GRID2: variants seen among roughly 807,000 people sequenced by gnomAD.
GRID2 encodes glutamate receptor ionotropic, delta-2.
In GRID2, 33 loss-of-function variants were observed where a neutral mutation model predicts 114.8. The ratio of observed to expected loss-of-function variants is 0.29; its 90% CI spans 0.22 to 0.38. GRID2 has a LOEUF of 0.38. GRID2 is among the 10% of genes least tolerant of loss of function. The probability of loss-of-function intolerance (pLI) is 1.00; values close to 1 mark genes in which losing one functional copy is unlikely to be tolerated. For missense variants in GRID2, 1,184 were observed against 1,257.7 expected (o/e 0.94, Z 0.89); for synonymous variants, 505 against 449.9 (o/e 1.12, Z -1.55).
intron 5 of GRID2, among the ~76,000 whole-genome samples, chr4:93,208,030 G>A (rs541436863): frequency 9.5e-4 from 144 of 152,028 alleles, no homozygotes; most frequent in African/African-American, 3.3e-3. Flanking sequence ...TGGGAAATAA[G>A]TTGTTCCATT....
intron 8 of GRID2, among the ~76,000 whole-genome samples, chr4:93,251,643 G>T (rs1748943889): frequency 6.6e-6 from 1 of 151,726 alleles, no homozygotes; most frequent in South Asian, 2.1e-4. Context: ...TATTTTTCTT[G>T]ATCTTCTTTT....
chr4:92,916,357 C>A (rs1748790986), intron 2 of GRID2, among the ~76,000 whole-genome samples: 1 of 151,750 alleles, frequency 6.6e-6, no homozygotes, highest in African/African-American at 2.4e-5. Context: ...TTTAGAGAAA[C>A]CGACACTGTT....
At chr4:93,016,190 AAG>A (rs1351771668) in intron 2 of GRID2, among the ~76,000 whole-genome samples, 2 of 152,028 alleles carry the variant, frequency 1.3e-5, no homozygotes, top group Non-Finnish European at 2.9e-5. Flanking sequence ...ATACTAAAGA[AAG>A]AGGGAATAAT....
chr4:93,545,236 A>G (rs1733095342), intron 13 of GRID2, among the ~76,000 whole-genome samples: 1 of 152,214 alleles, frequency 6.6e-6, no homozygotes, highest in Admixed American at 6.5e-5. Flanking sequence ...AATTTGTGCT[A>G]TGGAAGAAGG....
intron 4 of GRID2, among the ~76,000 whole-genome samples, chr4:93,187,633 A>G (rs1740561114): frequency 6.6e-6 from 1 of 152,152 alleles, no homozygotes; most frequent in Non-Finnish European, 1.5e-5. Flanking sequence ...GCAGAATCTC[A>G]TCTAAATATC....
chr4:92,492,083 T>A (rs568463795), intron 1 of GRID2, among the ~76,000 whole-genome samples: 1 of 152,316 alleles, frequency 6.6e-6, no homozygotes, highest in South Asian at 2.1e-4. Context: ...TTTAGTTATA[T>A]CTATCCTAAA....
At chr4:93,365,781 C>T (rs777692380) in intron 8 of GRID2, among the ~76,000 whole-genome samples, 13 of 152,096 alleles carry the variant, frequency 8.5e-5, no homozygotes, top group East Asian at 3.9e-4. Context: ...AATATTGTTG[C>T]GGGAAGTCAG....
chr4:92,485,350 T>TATA (rs1560663111), intron 1 of GRID2, among the ~76,000 whole-genome samples: 14 of 72,648 alleles, frequency 1.9e-4, no homozygotes, highest in African/African-American at 4.5e-4. Context: ...ATATATATAG[T>TATA]GTGTGTGTGT....
intron 11 of GRID2, among the ~76,000 whole-genome samples, chr4:93,461,338 AAACCCTATG>A (rs1723720342): frequency 6.6e-6 from 1 of 152,140 alleles, no homozygotes; most frequent in Non-Finnish European, 1.5e-5. Flanking sequence ...AAAGGCTTAT[AAACCCTATG>A]AAAAAGAGAA....
At chr4:93,142,268 G>C (rs1735843916) in intron 4 of GRID2, among the ~76,000 whole-genome samples, 2 of 152,122 alleles carry the variant, frequency 1.3e-5, no homozygotes, top group Non-Finnish European at 2.9e-5. Context: ...GTTTCATTGA[G>C]AGATGTATTA....
chr4:93,527,360 C>T (rs1256749792), intron 13 of GRID2, among the ~76,000 whole-genome samples: 5 of 151,980 alleles, frequency 3.3e-5, no homozygotes, highest in African/African-American at 7.2e-5. Flanking sequence ...CCAGCTTTGC[C>T]TAGGAGATAA....
chr4:93,789,778 T>G (rs1734660852), intron 1 of GRID2, among the ~76,000 whole-genome samples: 1 of 152,192 alleles, frequency 6.6e-6, no homozygotes, highest in African/African-American at 2.4e-5. Flanking sequence ...CTAAAATTGA[T>G]AGAGTATAAA....
intron 1 of GRID2, among the ~76,000 whole-genome samples, chr4:92,307,026 A>G (rs1725445365): frequency 6.6e-6 from 1 of 152,140 alleles, no homozygotes; most frequent in African/African-American, 2.4e-5. Context: ...TAACTCCTAA[A>G]TTAAAAAAAT....
chr4:93,145,991 T>C (rs1184770407), intron 4 of GRID2, among the ~76,000 whole-genome samples: 1 of 151,992 alleles, frequency 6.6e-6, no homozygotes, highest in African/African-American at 2.4e-5. Context: ...TAGACAAAGG[T>C]ATATATATAC....
At chr4:93,144,376 C>T (rs1228726878) in intron 4 of GRID2, among the ~76,000 whole-genome samples, 1 of 152,088 alleles carries the variant, frequency 6.6e-6, no homozygotes, top group African/African-American at 2.4e-5. Context: ...GACAAATTGC[C>T]CAAGATCACA....
chr4:93,408,034 T>A (rs904242945), intron 9 of GRID2, among the ~76,000 whole-genome samples: 1 of 152,128 alleles, frequency 6.6e-6, no homozygotes, highest in Non-Finnish European at 1.5e-5. Context: ...GAGCCAAATG[T>A]AATCTCCAAG....
At chr4:93,413,517 C>T (rs1948018) in intron 9 of GRID2, among the ~76,000 whole-genome samples, 27,261 of 152,060 alleles carry the variant, frequency 0.18, 4,572 homozygotes, top group African/African-American at 0.45. Context: ...ATAAGTAGTG[C>T]ATGAGAAAGT....
intron 2 of GRID2, among the ~76,000 whole-genome samples, chr4:92,950,477 AT>A (rs763883619): frequency 2.0e-5 from 3 of 152,130 alleles, no homozygotes; most frequent in Admixed American, 6.5e-5. Flanking sequence ...CATATACGTG[AT>A]TTTTTTAGTC....
chr4:92,578,205 T>A (rs1727999792), intron 1 of GRID2, among the ~76,000 whole-genome samples: 1 of 150,270 alleles, frequency 6.7e-6, no homozygotes, highest in Admixed American at 6.6e-5. Context: ...GCCATGCTGG[T>A]GTGCTGCACC....
Sources: gnomAD v4.1 joint callset for allele counts (sites outside exome capture counted in the v4.1 genomes callset) on GRCh38, gnomAD v4.1.1 for gene constraint, MANE v1.5 for transcripts, NCBI Gene and HGNC (gene_info 2026-07-23, HGNC 2026-07-21) for gene names.